The following PIERCE2 variants were observed in gnomAD, a reference collection of about 807,000 sequenced individuals.
The protein encoded by PIERCE2 is piercer of microtubule wall 2.
At chr15:55,417,202 A>C in the PIERCE2 span, among the ~76,000 whole-genome samples, 1 of 152,154 alleles carries the variant, frequency 6.6e-6, no homozygotes, top group African/African-American at 2.4e-5. Context: ...TTTTAAACAC[A>C]GTCAACAAAA....
the PIERCE2 span, among the ~76,000 whole-genome samples, chr15:55,412,492 T>C: frequency 6.6e-6 from 1 of 152,212 alleles, no homozygotes; most frequent in Non-Finnish European, 1.5e-5. Flanking sequence ...GCACAGAGAA[T>C]CTAAGTGACT....
chr15:55,413,490 G>A, the PIERCE2 span, among the ~76,000 whole-genome samples: 2 of 151,914 alleles, frequency 1.3e-5, no homozygotes, highest in African/African-American at 4.8e-5. Context: ...CGGCCGTGGT[G>A]TCTCACGCCT....
chr15:55,411,853 G>T, the PIERCE2 span, among the ~76,000 whole-genome samples: 10 of 152,082 alleles, frequency 6.6e-5, no homozygotes, highest in African/African-American at 1.4e-4. Context: ...CCCAGAAGGC[G>T]GAGGTTGCGG....
chr15:55,413,782 C>A, the PIERCE2 span, among the ~76,000 whole-genome samples: 26,436 of 124,416 alleles, frequency 0.21, 4,127 homozygotes, highest in African/African-American at 0.46. Context: ...AAAAAAAAGA[C>A]TGTTTTTATG....
chr15:55,410,248 T>C, the PIERCE2 span, among the ~76,000 whole-genome samples: 2 of 152,240 alleles, frequency 1.3e-5, no homozygotes, highest in Non-Finnish European at 2.9e-5. Flanking sequence ...TAATTTGTCT[T>C]CTGTTTTTAC....
At chr15:55,416,311 A>T in the PIERCE2 span, among the ~76,000 whole-genome samples, 1 of 152,066 alleles carries the variant, frequency 6.6e-6, no homozygotes, top group African/African-American at 2.4e-5. Flanking sequence ...CATGTTGTCC[A>T]GGATGGTCTC....
At chr15:55,411,929 A>AT in the PIERCE2 span, among the ~76,000 whole-genome samples, 7,719 of 151,912 alleles carry the variant, frequency 0.051, 271 homozygotes, top group Non-Finnish European at 0.082. Flanking sequence ...CTCACAAAAA[A>AT]AAATAAATAA....
the PIERCE2 span, among the ~76,000 whole-genome samples, chr15:55,415,902 T>A: frequency 1.3e-5 from 2 of 152,140 alleles, no homozygotes; most frequent in South Asian, 4.1e-4. Flanking sequence ...TTAGTATTTT[T>A]GGCATTAGCA....
At chr15:55,408,726 T>G in the PIERCE2 span, 1 of 1,486,932 alleles carries the variant, frequency 6.7e-7, no homozygotes, top group South Asian at 1.2e-5. Flanking sequence ...ATCTGCTGCA[T>G]GAAAACTGAC....
chr15:55,412,529 T>G, the PIERCE2 span, among the ~76,000 whole-genome samples: 6 of 152,218 alleles, frequency 3.9e-5, no homozygotes, highest in African/African-American at 1.4e-4. Flanking sequence ...GCTTTATATT[T>G]GATTCATATT....
the PIERCE2 span, among the ~76,000 whole-genome samples, chr15:55,414,650 G>A: frequency 2.1e-4 from 31 of 150,560 alleles, no homozygotes; most frequent in African/African-American, 7.1e-4. Flanking sequence ...AGGTTGAGGC[G>A]GGTGGATCAC....
At chr15:55,416,122 A>T in the PIERCE2 span, among the ~76,000 whole-genome samples, 1 of 135,472 alleles carries the variant, frequency 7.4e-6, no homozygotes, top group Non-Finnish European at 1.7e-5. Flanking sequence ...AGAGAGAGAT[A>T]GAGTCTTTTG....
the PIERCE2 span, chr15:55,418,194 G>T: frequency 1.3e-6 from 2 of 1,565,258 alleles, no homozygotes; most frequent in Non-Finnish European, 1.7e-6. Flanking sequence ...CTTTATAATG[G>T]AGAATGATTT....
chr15:55,409,979 C>G, the PIERCE2 span, among the ~76,000 whole-genome samples: 2 of 151,902 alleles, frequency 1.3e-5, no homozygotes, highest in Admixed American at 6.6e-5. Context: ...TTTTATTATT[C>G]TTTGTATTGG....
At chr15:55,415,001 T>C in the PIERCE2 span, among the ~76,000 whole-genome samples, 1 of 152,322 alleles carries the variant, frequency 6.6e-6, no homozygotes, top group Non-Finnish European at 1.5e-5. Context: ...GAATACCCAG[T>C]TTGTAATTAT....
chr15:55,408,736 C>T, the PIERCE2 span: 7 of 1,519,796 alleles, frequency 4.6e-6, no homozygotes, highest in South Asian at 8.5e-5. Context: ...TGAAAACTGA[C>T]TTTGCCGAAA....
the PIERCE2 span, among the ~76,000 whole-genome samples, chr15:55,417,220 A>C: frequency 6.6e-6 from 1 of 152,166 alleles, no homozygotes; most frequent in African/African-American, 2.4e-5. Flanking sequence ...AAACCCTAAG[A>C]GATCTAACCC....
chr15:55,416,928 T>C, the PIERCE2 span, among the ~76,000 whole-genome samples: 1 of 152,014 alleles, frequency 6.6e-6, no homozygotes, highest in African/African-American at 2.4e-5. Flanking sequence ...ACCATTGCAG[T>C]CCAGCCTGGA....
chr15:55,418,372 G>T, the PIERCE2 span: 3 of 1,536,888 alleles, frequency 2.0e-6, no homozygotes, highest in Non-Finnish European at 2.6e-6. Context: ...AACCTCAAAT[G>T]ATTATGTATA....
Sources: allele counts gnomAD v4.1 joint callset (sites outside exome capture counted in the v4.1 genomes callset), GRCh38; gene constraint gnomAD v4.1.1; transcripts MANE v1.5; gene names NCBI Gene and HGNC (gene_info 2026-07-23, HGNC 2026-07-21).